CPNE4: variants seen among roughly 807,000 people sequenced by gnomAD.
The protein encoded by CPNE4 is copine-4.
CPNE4 carries 25 observed loss-of-function variants against 67.9 expected under a neutral mutation model. The ratio of observed to expected loss-of-function variants is 0.37; its 90% CI spans 0.27 to 0.51. The LOEUF (loss-of-function observed/expected upper bound fraction) is 0.51, where lower values mean the gene tolerates loss of function less well. CPNE4 is among the 20% of genes least tolerant of loss of function. CPNE4 has a pLI of 0.93. For synonymous variants in CPNE4, 242 were observed against 244.9 expected, an observed-to-expected ratio of 0.99 and a Z score of 0.11; for missense variants, 464 against 690.8, an observed-to-expected ratio of 0.67 and a Z score of 3.68.
At chr3:131,703,328 TTTATACCCTATG>T (rs1394283363) in intron 3 of CPNE4, among the ~76,000 whole-genome samples, 4 of 152,226 alleles carry the variant, frequency 2.6e-5, no homozygotes, top group African/African-American at 9.7e-5. Flanking sequence ...AATTTGATTC[TTTATACCCTATG>T]ATGGGGTCAC....
chr3:131,736,045 A>C (rs1410634767), intron 2 of CPNE4, among the ~76,000 whole-genome samples: 1 of 152,202 alleles, frequency 6.6e-6, no homozygotes, highest in East Asian at 1.9e-4. Context: ...GGCAGATTTC[A>C]ATATGTGCCA....
intron 7 of CPNE4, among the ~76,000 whole-genome samples, chr3:131,630,163 C>T (rs114039307): frequency 0.023 from 3,554 of 152,304 alleles, 136 homozygotes; most frequent in African/African-American, 0.078. Flanking sequence ...ACACAGGATA[C>T]GAATCATTCC....
At chr3:131,883,402 C>T (rs2087756248) in intron 2 of CPNE4, among the ~76,000 whole-genome samples, 1 of 152,154 alleles carries the variant, frequency 6.6e-6, no homozygotes, top group Non-Finnish European at 1.5e-5. Context: ...AGCTCATTTT[C>T]AACCACTGTT....
chr3:131,877,431 A>G (rs909540574), intron 2 of CPNE4, among the ~76,000 whole-genome samples: 3 of 152,174 alleles, frequency 2.0e-5, no homozygotes, highest in African/African-American at 7.2e-5. Flanking sequence ...TTCTTGTTAC[A>G]TGTGAAAAAC....
intron 7 of CPNE4, among the ~76,000 whole-genome samples, chr3:131,601,071 G>A (rs1939176678): frequency 6.6e-6 from 1 of 151,972 alleles, no homozygotes; most frequent in East Asian, 1.9e-4. Flanking sequence ...AGGGAACTTG[G>A]TAGTGCTCTG....
chr3:132,025,641 G>C (rs528178841), intron 1 of CPNE4, among the ~76,000 whole-genome samples: 19 of 152,178 alleles, frequency 1.2e-4, no homozygotes, highest in Admixed American at 2.0e-4. Context: ...TAAGCCTCTA[G>C]TTTGTGAGAG....
At chr3:131,964,122 C>T (rs2072269020) in intron 1 of CPNE4, among the ~76,000 whole-genome samples, 1 of 152,144 alleles carries the variant, frequency 6.6e-6, no homozygotes, top group African/African-American at 2.4e-5. Flanking sequence ...AGCAGACCTG[C>T]AGCAGAGGGG....
rs1321321827 is a variant in CPNE4 at position 131,665,698 on chromosome 3, A to ACAG, written c.681+3976_681+3977insCTG. 1.9e-3 allele frequency among the ~76,000 whole-genome samples: 295 copies of ACAG among 152,228 alleles called. 5 individuals carry two copies. The highest frequency in any genetic ancestry group is 0.018 in the South Asian group (88 of 4,816). On this transcript the variant is annotated intron_variant, in intron 7 of 15. Transcript: ENST00000429747. ...AAACAAACAAACAAAAAACAGAAAG[A>ACAG]AAAGAGAAAAAGAAAAAAAGTTAAT...
chr3:131,955,914 T>C (rs2071954432), intron 1 of CPNE4, among the ~76,000 whole-genome samples: 2 of 152,222 alleles, frequency 1.3e-5, no homozygotes, highest in South Asian at 4.1e-4. Flanking sequence ...GGCTCTGCTT[T>C]CCAGCAGATG....
chr3:131,828,408 G>A lies in CPNE4; in HGVS notation c.180+76856C>T, dbSNP rs180990595. Among the ~76,000 whole-genome samples, 3 of 152,002 alleles carry A rather than the reference G, an allele frequency of 2.0e-5. No homozygotes were observed. The South Asian group carries it at 6.2e-4, about 32-fold the overall frequency. On this transcript the variant is annotated intron_variant, in intron 2 of 15. Coordinates refer to ENST00000429747, the MANE Select transcript of CPNE4 (RefSeq NM_130808.3). ...ATACAGTATGTACCTTTTAATATTT[G>A]ACTCCCATCAGTCAAAAAATTGTCT...
At chr3:131,923,298 A>G (rs1259913103) in intron 1 of CPNE4, among the ~76,000 whole-genome samples, 1 of 152,196 alleles carries the variant, frequency 6.6e-6, no homozygotes, top group Non-Finnish European at 1.5e-5. Flanking sequence ...ATTGTCACCA[A>G]ACATTCTATC....
At chr3:131,701,969 T>G (rs983805712) in intron 3 of CPNE4, among the ~76,000 whole-genome samples, 1 of 152,128 alleles carries the variant, frequency 6.6e-6, no homozygotes, top group Non-Finnish European at 1.5e-5. Context: ...GAGATCACCA[T>G]GAAAGGCCAG....
upstream of CPNE4, chr3:132,035,051 T>A: frequency 1.0e-6 from 1 of 985,374 alleles, no homozygotes; most frequent in Non-Finnish European, 1.2e-6. Context: ...AAGAGACTGG[T>A]TCCGAAACCT....
chr3:131,581,671 A>C lies in CPNE4; in HGVS notation c.781-6T>G. On this transcript the variant is annotated splice_region_variant and splice_polypyrimidine_tract_variant and intron_variant, in intron 8 of 15. Transcript: ENST00000429747. ...TTGATGCACTCCCACTGCACCTGAA[A>C]GAAGGGTCATAGCATGAGAATCTGT... is the stretch of plus-strand genomic sequence containing the variant. 2.5e-6 allele frequency: 4 copies of C among 1,600,126 alleles called. No homozygotes were observed. Among genetic ancestry groups the C allele is most frequent in the Non-Finnish European group, 3.4e-6 (4 of 1,167,206 alleles).
rs1266940589 is a variant in CPNE4, at chr3:131,990,226, G to T, written c.-2+44341C>A. 2.9e-5 allele frequency among the ~76,000 whole-genome samples: 4 copies of T among 136,444 alleles called. 2 individuals are homozygous for T. The Admixed American group carries it at 3.3e-4, about 11-fold the overall frequency. 89.5% of individuals were successfully genotyped at this position (136,444 alleles called of 152,430 possible). A position where few individuals can be genotyped will look rare whatever the true frequency, so the allele number is the denominator to read the frequency against. ...CTATATTTAATTCTCTAAAAGAAAA[G>T]ATACAATCAGTAAGTTTAGTTTTAC... is the stretch of plus-strand genomic sequence containing the variant. On this transcript the variant is annotated intron_variant, in intron 1 of 15. Transcript: ENST00000429747.
At chr3:131,639,241 T>C (rs998694585) in intron 7 of CPNE4, among the ~76,000 whole-genome samples, 4 of 151,884 alleles carry the variant, frequency 2.6e-5, no homozygotes, top group African/African-American at 9.7e-5. Flanking sequence ...TTTGAAAAGA[T>C]AAATAAAACT....
chr3:131,948,481 G>A (rs1253568319), intron 1 of CPNE4, among the ~76,000 whole-genome samples: 2 of 152,118 alleles, frequency 1.3e-5, no homozygotes, highest in East Asian at 1.9e-4. Flanking sequence ...CCCAGTCTCA[G>A]GTATTTCTTC....
chr3:131,637,830 C>A (rs1174075764), intron 7 of CPNE4, among the ~76,000 whole-genome samples: 1 of 152,100 alleles, frequency 6.6e-6, no homozygotes, highest in East Asian at 1.9e-4. Context: ...AGATTAAGAG[C>A]AGATTTCCCA....
chr3:131,871,964 A>G (rs1462534758), intron 2 of CPNE4, among the ~76,000 whole-genome samples: 2 of 152,178 alleles, frequency 1.3e-5, no homozygotes, highest in Non-Finnish European at 2.9e-5. Context: ...TGGCTACACC[A>G]AGATATATCC....
Sources: allele counts gnomAD v4.1 joint callset (sites outside exome capture counted in the v4.1 genomes callset), GRCh38; gene constraint gnomAD v4.1.1; transcripts MANE v1.5; gene names NCBI Gene and HGNC (gene_info 2026-07-23, HGNC 2026-07-21).